The following GLIS1 variants were observed in gnomAD, a reference collection of about 807,000 sequenced individuals.
GLIS1 encodes zinc finger protein GLIS1.
A neutral mutation model predicts 63.8 loss-of-function variants in GLIS1; 24 were observed. That is an observed-to-expected ratio of 0.38 (90% confidence interval 0.27 to 0.53). GLIS1 has a LOEUF of 0.53. Among genes scored for constraint, GLIS1 ranks in the 20% least tolerant of loss-of-function variants. The pLI is 0.85. For missense variants in GLIS1, 1,036 were observed against 1,074.1 expected, an observed-to-expected ratio of 0.96 and a Z score of 0.50; for synonymous variants, 450 against 482.5, an observed-to-expected ratio of 0.93 and a Z score of 0.88.
At chr1:53,618,901 A>C (rs1160227767) in intron 2 of GLIS1, among the ~76,000 whole-genome samples, 2 of 152,190 alleles carry the variant, frequency 1.3e-5, no homozygotes, top group Non-Finnish European at 2.9e-5. Context: ...TTCTAGTCCT[A>C]CCCTGGCTCT....
At chr1:53,714,705 G>T (rs2100533542) in intron 2 of GLIS1, among the ~76,000 whole-genome samples, 1 of 152,332 alleles carries the variant, frequency 6.6e-6, no homozygotes, top group African/African-American at 2.4e-5. Context: ...GTACTGAGAT[G>T]AGATGAATTA....
At chr1:53,584,443 A>G (rs1645114404) in intron 4 of GLIS1, among the ~76,000 whole-genome samples, 1 of 152,078 alleles carries the variant, frequency 6.6e-6, no homozygotes, top group African/African-American at 2.4e-5. Flanking sequence ...GTGCCCACCC[A>G]CCTGTCAGAG....
chr1:53,591,169 G>A (rs1645189754), intron 4 of GLIS1, among the ~76,000 whole-genome samples: 1 of 152,226 alleles, frequency 6.6e-6, no homozygotes, highest in Non-Finnish European at 1.5e-5. Context: ...GGTAGCAGAG[G>A]CCTGTCATGA....
chr1:53,507,917 T>C (rs1325077349), intron 10 of GLIS1, among the ~76,000 whole-genome samples: 2 of 152,146 alleles, frequency 1.3e-5, no homozygotes, highest in Admixed American at 6.5e-5. Context: ...AATTCGGGTA[T>C]ACACAGACAC....
At chr1:53,618,084 T>TCCAGAAAGC (rs113231502) in intron 2 of GLIS1, among the ~76,000 whole-genome samples, 31 of 152,286 alleles carry the variant, frequency 2.0e-4, no homozygotes, top group African/African-American at 7.5e-4. Context: ...CAGGGCTGAC[T>TCCAGAAAGC]CCAGAAAGCC....
chr1:53,517,569 C>A (rs1404364258), intron 7 of GLIS1, among the ~76,000 whole-genome samples: 1 of 152,050 alleles, frequency 6.6e-6, no homozygotes, highest in African/African-American at 2.4e-5. Context: ...CCTCATGCTT[C>A]TCAAGTCCTC....
intron 4 of GLIS1, among the ~76,000 whole-genome samples, chr1:53,575,172 G>A (rs1217799289): frequency 1.3e-5 from 2 of 152,098 alleles, no homozygotes; most frequent in African/African-American, 4.8e-5. Flanking sequence ...TATCAAGAAC[G>A]GAGCACAGAT....
intron 2 of GLIS1, among the ~76,000 whole-genome samples, chr1:53,664,731 G>A (rs758440599): frequency 3.9e-5 from 6 of 152,204 alleles, no homozygotes; most frequent in Non-Finnish European, 7.3e-5. Context: ...AGCAGGCAAG[G>A]AAGCTGGGGC....
chr1:53,507,044 A>G (rs1454608724), intron 10 of GLIS1, among the ~76,000 whole-genome samples: 1 of 152,112 alleles, frequency 6.6e-6, no homozygotes, highest in Non-Finnish European at 1.5e-5. Flanking sequence ...AGGGAGGTCC[A>G]TCACCAGGGC....
At chr1:53,587,681 G>T (rs1645149320) in intron 4 of GLIS1, among the ~76,000 whole-genome samples, 1 of 152,226 alleles carries the variant, frequency 6.6e-6, no homozygotes, top group South Asian at 2.1e-4. Flanking sequence ...GTGACTGGGT[G>T]CTGGCTTCTT....
At chr1:53,575,274 C>G (rs1301681261) in intron 4 of GLIS1, among the ~76,000 whole-genome samples, 4 of 152,194 alleles carry the variant, frequency 2.6e-5, no homozygotes, top group South Asian at 2.1e-4. Flanking sequence ...CTCACGCCCC[C>G]CTGCTTCAAC....
chr1:53,536,837 T>C (rs1015822139), intron 4 of GLIS1, among the ~76,000 whole-genome samples: 7 of 151,982 alleles, frequency 4.6e-5, no homozygotes, highest in Admixed American at 4.6e-4. Flanking sequence ...AGTGGATGCC[T>C]CCATGCAGAA....
chr1:53,682,258 A>T (rs1407114547), intron 2 of GLIS1, among the ~76,000 whole-genome samples: 1 of 152,186 alleles, frequency 6.6e-6, no homozygotes, highest in Non-Finnish European at 1.5e-5. Flanking sequence ...TCCTTCAGCC[A>T]TCCAGCAAGC....
chr1:53,727,353 G>GT (rs1301657787), intron 2 of GLIS1, among the ~76,000 whole-genome samples: 1 of 136,274 alleles, frequency 7.3e-6, no homozygotes, highest in Non-Finnish European at 1.6e-5. Context: ...GAGATCTTGG[G>GT]TGTGGACACC....
intron 4 of GLIS1, among the ~76,000 whole-genome samples, chr1:53,533,834 G>A (rs1046226680): frequency 6.6e-6 from 1 of 152,148 alleles, no homozygotes; most frequent in Non-Finnish European, 1.5e-5. Flanking sequence ...GGATGAGAGC[G>A]ACCATCAGTT....
chr1:53,674,071 C>T (rs1447492258), intron 2 of GLIS1, among the ~76,000 whole-genome samples: 1 of 150,824 alleles, frequency 6.6e-6, no homozygotes, highest in Non-Finnish European at 1.5e-5. Context: ...ACTTGGGAGG[C>T]TGAGGCACAA....
intron 2 of GLIS1, among the ~76,000 whole-genome samples, chr1:53,699,058 T>G (rs926160259): frequency 1.5e-4 from 21 of 139,880 alleles, no homozygotes; most frequent in African/African-American, 5.7e-4. Flanking sequence ...TTGTTTGTTT[T>G]TTATTTTTAT....
chr1:53,695,451 A>G (rs1353133587), intron 2 of GLIS1, among the ~76,000 whole-genome samples: 2 of 152,224 alleles, frequency 1.3e-5, no homozygotes, highest in African/African-American at 4.8e-5. Flanking sequence ...ACAGGGCACT[A>G]CGGCAGCGAC....
intron 2 of GLIS1, among the ~76,000 whole-genome samples, chr1:53,653,153 T>C (rs1645927057): frequency 6.6e-6 from 1 of 152,150 alleles, no homozygotes; most frequent in Admixed American, 6.5e-5. Flanking sequence ...CTGAGCACCA[T>C]CAAGCCTGAA....
Sources: allele counts gnomAD v4.1 joint callset (sites outside exome capture counted in the v4.1 genomes callset), GRCh38; gene constraint gnomAD v4.1.1; transcripts MANE v1.5; gene names NCBI Gene and HGNC (gene_info 2026-07-23, HGNC 2026-07-21).